CHN1: variants seen among roughly 807,000 people sequenced by gnomAD.
CHN1 encodes the protein chimerin 1, also known as N-chimaerin.
A neutral mutation model predicts 59.5 loss-of-function variants in CHN1; 37 were observed. That is an observed-to-expected ratio of 0.62 (90% CI 0.48 to 0.82). The LOEUF (loss-of-function observed/expected upper bound fraction) is 0.82. Ranked by LOEUF, CHN1 falls within the 40% of genes least tolerant of loss-of-function variation. The pLI is 0.00. For missense variants in CHN1, 469 were observed against 571.0 expected (o/e 0.82, Z 1.82); for synonymous variants, 206 against 200.4 (o/e 1.03, Z -0.24).
At chr2:174,880,951 CAGG>C (rs1053562632) in intron 5 of CHN1, among the ~76,000 whole-genome samples, 2 of 150,612 alleles carry the variant, frequency 1.3e-5, no homozygotes, top group African/African-American at 4.9e-5. Context: ...GAGGCTGAGG[CAGG>C]AGAATTGCTT....
intron 1 of CHN1, among the ~76,000 whole-genome samples, chr2:174,970,148 G>A (rs1690715821): frequency 2.0e-5 from 3 of 152,090 alleles, no homozygotes; most frequent in Non-Finnish European, 4.4e-5. Context: ...TGATCCTTGA[G>A]TACACTTCTT....
chr2:174,873,017 A>G (rs1332568860), intron 6 of CHN1, among the ~76,000 whole-genome samples: 2 of 120,054 alleles, frequency 1.7e-5, no homozygotes, highest in African/African-American at 3.5e-5. Context: ...AGACTAATAT[A>G]TACTTTTTTT....
intron 5 of CHN1, among the ~76,000 whole-genome samples, chr2:174,900,729 CA>C (rs1473236255): frequency 6.6e-6 from 1 of 151,724 alleles, no homozygotes; most frequent in Admixed American, 6.6e-5. Flanking sequence ...CGCTTGAACC[CA>C]GGAAGCAGAG....
intron 1 of CHN1, among the ~76,000 whole-genome samples, chr2:174,956,176 G>A (rs967216034): frequency 3.9e-5 from 6 of 152,122 alleles, no homozygotes; most frequent in Non-Finnish European, 5.9e-5. Flanking sequence ...AAAGCATTGA[G>A]AGAGGAGTAA....
At position 174,800,279 on chromosome 2, in the gene CHN1, A is replaced by T. The variant is rs751836428; in HGVS notation, c.1217T>A (p.Leu406His). Reference protein sequence around the residue: ...YLMAHLKRVTLHEKENLMNAE... With the variant: ...YLMAHLKRVTHHEKENLMNAE... ...ATTCATAAGATTCTCCTTTTCGTGGAGGGTCACTCTGAAAAATGCAAGTAC... is the reference window on the plus strand; with the variant it reads ...ATTCATAAGATTCTCCTTTTCGTGGTGGGTCACTCTGAAAAATGCAAGTAC... The change falls in exon 13 of 13, where the codon CTC becomes CAC. Residue 406 changes from leucine to histidine, a missense_variant. Leu to His is a moderately conservative substitution (Grantham distance 99, BLOSUM62 -3). Around this residue, in one of 5 missense-constraint regions of CHN1, gnomAD observed 225 missense variants for 289.9 expected, o/e 0.78. Transcript: ENST00000409900. 5 of 1,433,442 alleles carry T rather than the reference A, an allele frequency of 3.5e-6. No homozygotes were observed. The Admixed American group carries it at 1.0e-4, about 30-fold the overall frequency. The allele number at this position is 1,433,442 out of a possible 1,614,324, so 88.8% of individuals were successfully genotyped here.
intron 3 of CHN1, among the ~76,000 whole-genome samples, chr2:174,923,741 A>T (rs1380557079): frequency 3.3e-5 from 5 of 152,226 alleles, no homozygotes; most frequent in Non-Finnish European, 1.5e-5. Flanking sequence ...TATTTATTCA[A>T]TAGTCTTACA....
rs1687358811 is a variant in CHN1 at position 174,870,136 on chromosome 2, A to C, written c.549+7704T>G. Among the ~76,000 whole-genome samples, 2 of 152,244 alleles carry C rather than the reference A, an allele frequency of 1.3e-5. 1 individual carries two copies. The highest frequency in any genetic ancestry group is 3.8e-4 in the East Asian group (2 of 5,198). On this transcript the variant is annotated intron_variant, in intron 6 of 12. Coordinates refer to ENST00000409900, the MANE Select transcript of CHN1 (RefSeq NM_001822.7). ...TGTTCACTGAATGGTGTTAGAAGCT[A>C]ACGAAATGAAGGATAATAAGGCTGA...
At chr2:174,834,113 T>C (rs929741216) in intron 7 of CHN1, among the ~76,000 whole-genome samples, 1 of 152,150 alleles carries the variant, frequency 6.6e-6, no homozygotes, top group Non-Finnish European at 1.5e-5. Context: ...GTCTACAATA[T>C]ACACCTTTAA....
chr2:174,818,484 A>C lies in CHN1; in HGVS notation c.712+5950T>G, dbSNP rs1685358809. On this transcript the variant is annotated intron_variant, in intron 8 of 12. Transcript: ENST00000409900. ...CTTTATTTGGTTTTCATACTTATTT[A>C]TTAAAGTCATATAACTCTTATATAG... Among the ~76,000 whole-genome samples, 7 of 152,316 alleles carry C rather than the reference A, an allele frequency of 4.6e-5. No homozygotes were observed. The South Asian group carries it at 1.2e-3, about 27-fold the overall frequency.
chr2:174,837,825 T>C (rs761129348), intron 7 of CHN1, among the ~76,000 whole-genome samples: 1 of 152,206 alleles, frequency 6.6e-6, no homozygotes, highest in African/African-American at 2.4e-5. Flanking sequence ...TTTTCATTTA[T>C]TTTTTAACCT....
intron 1 of CHN1, among the ~76,000 whole-genome samples, chr2:174,992,847 G>C (rs1026136559): frequency 1.3e-5 from 2 of 151,806 alleles, no homozygotes; most frequent in Admixed American, 1.3e-4. Flanking sequence ...TGTCACCCAG[G>C]CTGGAGTGCT....
intron 1 of CHN1, among the ~76,000 whole-genome samples, chr2:174,955,100 TATATAGATCTATAGATCTATAGATCTA>T (rs1239339815): frequency 4.7e-5 from 7 of 150,066 alleles, no homozygotes; most frequent in South Asian, 2.1e-4. Context: ...TATATCTATA[TATATAGATCTATAGATCTATAGATCTA>T]ATATAGATCT....
chr2:174,896,463 T>C (rs1004492354), intron 5 of CHN1, among the ~76,000 whole-genome samples: 7 of 152,152 alleles, frequency 4.6e-5, no homozygotes, highest in African/African-American at 1.2e-4. Context: ...AAAAAGCATA[T>C]GGTGACATTT....
rs1274508587 is a variant in CHN1, at chr2:174,844,163, G to A, written c.627+2717C>T. Among the ~76,000 whole-genome samples, 4 of 150,420 alleles carry A rather than the reference G, an allele frequency of 2.7e-5. No individual in the cohort carries two copies. In the East Asian group the frequency reaches 7.9e-4, roughly 30 times the overall value. ...TAAGGGATATAACTATCCTTCTTGTGATAGATGCTTTCTCAAATCCTTATA... is the reference window on the plus strand; with the variant it reads ...TAAGGGATATAACTATCCTTCTTGTAATAGATGCTTTCTCAAATCCTTATA... On this transcript the variant is annotated intron_variant, in intron 7 of 12. Transcript: ENST00000409900.
At chr2:174,875,073 C>T (rs1264404761) in intron 6 of CHN1, among the ~76,000 whole-genome samples, 2 of 151,930 alleles carry the variant, frequency 1.3e-5, no homozygotes, top group Non-Finnish European at 2.9e-5. Flanking sequence ...GAGGTTTCAC[C>T]ATGTTGGCCA....
chr2:174,959,105 G>A (rs1690314967), intron 1 of CHN1, among the ~76,000 whole-genome samples: 1 of 151,990 alleles, frequency 6.6e-6, no homozygotes. Flanking sequence ...ACATTTAAGA[G>A]CACTGTTTAG....
At chr2:174,962,721 C>T (rs151145809) in intron 1 of CHN1, among the ~76,000 whole-genome samples, 5,403 of 135,538 alleles carry the variant, frequency 0.04, 420 homozygotes, top group African/African-American at 0.15. Context: ...ACCAGCCTAG[C>T]CAACAGGGTG....
rs185592564 is a variant in CHN1, at chr2:174,923,185, A to G, written c.115-4620T>C. On this transcript the variant is annotated intron_variant, in intron 3 of 12. Coordinates refer to ENST00000409900, the MANE Select transcript of CHN1 (RefSeq NM_001822.7). The stretch of plus-strand genomic sequence containing the variant: ...AGACGGAGTCTCGCTCTGTCACCCA[A>G]GCTAGAGTGCAGTGGCTTGATCTCG... 4.4e-3 allele frequency among the ~76,000 whole-genome samples: 674 copies of G among 152,158 alleles called. 5 individuals are homozygous for G. Among genetic ancestry groups the G allele is most frequent in the African/African-American group, 0.015 (635 of 41,520 alleles).
chr2:174,991,107 ACT>A (rs1157994214), intron 1 of CHN1, among the ~76,000 whole-genome samples: 3 of 152,200 alleles, frequency 2.0e-5, no homozygotes, highest in Admixed American at 1.3e-4. Flanking sequence ...TTGGTCTACT[ACT>A]TAGTGACATC....
Sources: gnomAD v4.1 joint callset for allele counts (sites outside exome capture counted in the v4.1 genomes callset) on GRCh38, gnomAD v4.1.1 for gene constraint, gnomAD v4.1.1 regional missense constraint, MANE v1.5 for transcripts, NCBI Gene and HGNC (gene_info 2026-07-23, HGNC 2026-07-21) for gene names.